Variants in POU2F1 observed in about 807,000 individuals in gnomAD.
POU2F1 encodes POU class 2 homeobox 1, also known as POU domain, class 2, transcription factor 1.
Under a neutral mutation model 84.9 loss-of-function variants are expected in POU2F1, and 16 were observed. That is an observed-to-expected ratio of 0.19 (90% CI 0.13 to 0.29). The LOEUF is 0.29. POU2F1 is among the 10% of genes least tolerant of loss of function. The pLI, the probability that POU2F1 is intolerant of heterozygous loss-of-function variation, is 1.00. For missense variants in POU2F1, 738 were observed against 942.6 expected, an observed-to-expected ratio of 0.78 and a Z score of 2.84; for synonymous variants, 368 against 368.3, an observed-to-expected ratio of 1.00 and a Z score of 0.01.
rs1293804469 is a variant in POU2F1, at chr1:167,422,612, A to G, written c.*6802A>G. The G allele has an allele frequency of 2.0e-5, 3 of 152,348 alleles. No individual in the cohort carries two copies. The East Asian group carries it at 5.8e-4, about 29-fold the overall frequency. 9.4% of individuals were successfully genotyped at this position (152,348 alleles called of 1,614,324 possible). On this transcript the variant is annotated 3_prime_UTR_variant, in exon 16 of 16. Transcript: ENST00000367866. ...GAGAAATGATGCTGGCTTAGGAAAA[A>G]TCACAAGCCCTTTCTGCCCATACTC...
Position 167,425,903 on chromosome 1 carries a change from A to G in POU2F1, c.*10093A>G, listed in dbSNP as rs376626489. 6.7e-6 allele frequency: 1 copy of G among 150,170 alleles called. No homozygotes were observed. The highest frequency in any genetic ancestry group is 2.1e-4 in the South Asian group (1 of 4,696). The allele number at this position is 150,170 out of a possible 1,614,324, so 9.3% of individuals were successfully genotyped here. ...CTTTTTGCAGCACCACTGTGCAACT[A>G]TGCATTGTACTTCACAACCTTTTGT... On this transcript the variant is annotated 3_prime_UTR_variant, in exon 16 of 16. Transcript: ENST00000367866.
At chr1:167,249,456 G>A (rs751630840) in intron 1 of POU2F1, among the ~76,000 whole-genome samples, 8 of 152,216 alleles carry the variant, frequency 5.3e-5, no homozygotes, top group Non-Finnish European at 1.2e-4. Context: ...AGGTCAAGGT[G>A]TAGAAGTAGG....
At chr1:167,337,370 A>G (rs952204110) in intron 2 of POU2F1, among the ~76,000 whole-genome samples, 10 of 152,120 alleles carry the variant, frequency 6.6e-5, no homozygotes, top group African/African-American at 2.4e-4. Context: ...ATGTGGGTGC[A>G]GGATTGCTAT....
chr1:167,293,186 A>C (rs572337879), intron 1 of POU2F1, among the ~76,000 whole-genome samples: 1 of 152,284 alleles, frequency 6.6e-6, no homozygotes, highest in East Asian at 1.9e-4. Flanking sequence ...AGAAATAAAC[A>C]GCATCCAAAT....
intron 8 of POU2F1, among the ~76,000 whole-genome samples, chr1:167,388,815 G>T (rs191615288): frequency 1.2e-3 from 182 of 152,236 alleles, no homozygotes; most frequent in African/African-American, 4.3e-3. Flanking sequence ...ATTCTTGCTC[G>T]ATTAACTGGT....
At chr1:167,325,879 C>A (rs111912147) in intron 1 of POU2F1, among the ~76,000 whole-genome samples, 5 of 144,730 alleles carry the variant, frequency 3.5e-5, no homozygotes, top group African/African-American at 1.3e-4. Flanking sequence ...AAAGAGCAAA[C>A]TCCATCTCAA....
At chr1:167,375,512 A>T (rs1250326493) in intron 6 of POU2F1, among the ~76,000 whole-genome samples, 1 of 152,202 alleles carries the variant, frequency 6.6e-6, no homozygotes, top group Non-Finnish European at 1.5e-5. Context: ...TTTTGGTTTT[A>T]AAAAATTGAA....
chr1:167,349,900 AT>A (rs1658444531), intron 2 of POU2F1, among the ~76,000 whole-genome samples: 1 of 152,236 alleles, frequency 6.6e-6, no homozygotes, highest in African/African-American at 2.4e-5. Flanking sequence ...ATCTAAAGCC[AT>A]TTCTTATAAA....
chr1:167,354,557 G>A (rs80011722), intron 2 of POU2F1, among the ~76,000 whole-genome samples: 1 of 152,150 alleles, frequency 6.6e-6, no homozygotes, highest in African/African-American at 2.4e-5. Context: ...CTCCTGAAGT[G>A]CTGGGATTAC....
At chr1:167,355,081 A>AT (rs1324646185) in intron 2 of POU2F1, among the ~76,000 whole-genome samples, 1 of 151,228 alleles carries the variant, frequency 6.6e-6, no homozygotes, top group Non-Finnish European at 1.5e-5. Flanking sequence ...CAAGGTTAGA[A>AT]TGATATTCTT....
intron 8 of POU2F1, among the ~76,000 whole-genome samples, chr1:167,385,060 C>T (rs141904824): frequency 6.6e-6 from 1 of 152,084 alleles, no homozygotes; most frequent in East Asian, 1.9e-4. Flanking sequence ...TAGCAGTGAG[C>T]ATTTGGAAAT....
Position 167,397,961 on chromosome 1 carries a change from A to G in POU2F1, c.1130-33A>G, listed in dbSNP as rs754296369. 5.0e-6 allele frequency: 8 copies of G among 1,589,188 alleles called. No individual in the cohort carries two copies. In the Admixed American group the frequency reaches 9.0e-5, roughly 18 times the overall value. On this transcript the variant is annotated intron_variant, in intron 10 of 15. Transcript: ENST00000367866. Reference sequence around the variant, plus strand: ...TGCACATGAATCACTGTGCTCAGCTAATTTTATTTCTGTATTTTCTTCATT... The same window carrying G: ...TGCACATGAATCACTGTGCTCAGCTGATTTTATTTCTGTATTTTCTTCATT...
chr1:167,332,098 C>G (rs780606825), intron 1 of POU2F1, among the ~76,000 whole-genome samples: 3 of 152,012 alleles, frequency 2.0e-5, no homozygotes, highest in Admixed American at 6.5e-5. Flanking sequence ...TTGGGAATAA[C>G]ATTTTATTAT....
At chr1:167,308,974 T>C (rs1655274756) in intron 1 of POU2F1, among the ~76,000 whole-genome samples, 1 of 152,224 alleles carries the variant, frequency 6.6e-6, no homozygotes, top group African/African-American at 2.4e-5. Context: ...CTTTAAGCAA[T>C]AGTTATAATT....
intron 7 of POU2F1, chr1:167,379,238 TAGA>T (rs1247624272): frequency 1.5e-4 from 23 of 152,248 alleles, no homozygotes; most frequent in African/African-American, 5.5e-4. Context: ...TGGACTCACT[TAGA>T]GGAGTCTAAT....
At chr1:167,317,275 C>T (rs1163917649) in intron 1 of POU2F1, among the ~76,000 whole-genome samples, 1 of 152,198 alleles carries the variant, frequency 6.6e-6, no homozygotes, top group Admixed American at 6.5e-5. Flanking sequence ...TATTCTTTTT[C>T]TCCCTGGAAT....
chr1:167,241,143 AAAAT>A (rs916521381), intron 1 of POU2F1, among the ~76,000 whole-genome samples: 20 of 152,192 alleles, frequency 1.3e-4, no homozygotes, highest in Non-Finnish European at 2.1e-4. Context: ...ACGCCATCTA[AAAAT>A]AAATAAATAA....
chr1:167,282,461 T>A (rs1653225298), intron 1 of POU2F1, among the ~76,000 whole-genome samples: 2 of 152,226 alleles, frequency 1.3e-5, no homozygotes, highest in Admixed American at 1.3e-4. Flanking sequence ...TTTAAATTTC[T>A]ATTACATCCC....
rs187796307 is a variant in POU2F1, at chr1:167,272,022, C to T, written c.61+51064C>T. 5.3e-5 allele frequency among the ~76,000 whole-genome samples: 8 copies of T among 152,322 alleles called. No homozygotes were observed. The East Asian group carries it at 1.3e-3, about 26-fold the overall frequency. ...TGTAATATCTATAGCTGCTTTTATG[C>T]TGCAACAGCAGAGTTGAATAGTTGT... On this transcript the variant is annotated intron_variant, in intron 1 of 15. Coordinates refer to ENST00000367866, the MANE Select transcript of POU2F1 (RefSeq NM_002697.4).
Sources: allele counts gnomAD v4.1 joint callset (sites outside exome capture counted in the v4.1 genomes callset), GRCh38; gene constraint gnomAD v4.1.1; transcripts MANE v1.5; gene names NCBI Gene and HGNC (gene_info 2026-07-23, HGNC 2026-07-21).